Variants in ADGRG4 observed in about 807,000 individuals in gnomAD.
ADGRG4 encodes the protein adhesion G protein-coupled receptor G4.
Under a neutral mutation model 126.2 loss-of-function variants are expected in ADGRG4, and 122 were observed. The observed-to-expected ratio is 0.97, with a 90% CI of 0.83 to 1.12. ADGRG4 has a LOEUF of 1.12. Ranked by LOEUF, ADGRG4 falls within the 50% of genes most tolerant of loss-of-function variation. The probability of loss-of-function intolerance (pLI) is 0.00; values close to 1 mark genes in which losing one functional copy is unlikely to be tolerated. For missense variants in ADGRG4, 2,481 were observed against 2,251.8 expected (o/e 1.10, Z -2.06); for synonymous variants, 943 against 838.7 (o/e 1.12, Z -2.15).
chrX:136,301,370 C>A (rs1434238555), intron 1 of ADGRG4, among the ~76,000 whole-genome samples: 3 of 112,494 alleles, frequency 2.7e-5, no homozygotes, highest in Admixed American at 1.9e-4. Context: ...TGTCTTTTGG[C>A]TGCATAAATG....
At chrX:136,309,694 A>G (rs1366144139) in intron 4 of ADGRG4, among the ~76,000 whole-genome samples, 1 of 111,691 alleles carries the variant, frequency 9.0e-6, no homozygotes, top group Non-Finnish European at 1.9e-5. Flanking sequence ...CTGATAGGAA[A>G]CCATGTTTCT....
chrX:136,305,925 G>A (rs952170155), intron 3 of ADGRG4: 13 of 111,870 alleles, frequency 1.2e-4, no homozygotes, highest in Admixed American at 1.9e-4. Context: ...TTTATGCTCA[G>A]GAGAGCAGCC....
intron 5 of ADGRG4, among the ~76,000 whole-genome samples, chrX:136,327,560 T>C (rs2074881916): frequency 9.1e-6 from 1 of 109,864 alleles, no homozygotes; most frequent in Admixed American, 9.8e-5. Context: ...GACACATAGG[T>C]ATATTTAGAT....
intron 15 of ADGRG4, among the ~76,000 whole-genome samples, chrX:136,377,473 C>T (rs1268200581): frequency 9.0e-6 from 1 of 111,225 alleles, no homozygotes; most frequent in South Asian, 3.8e-4. Context: ...GGATTACAGG[C>T]GTGTGCCATT....
chrX:136,338,334 A>G lies in ADGRG4; in HGVS notation c.686-6058A>G, dbSNP rs776238206. 1.3e-4 allele frequency among the ~76,000 whole-genome samples: 14 copies of G among 110,518 alleles called. No homozygotes were observed. In the Admixed American group the frequency reaches 1.3e-3, roughly 11 times the overall value. On this transcript the variant is annotated intron_variant, in intron 5 of 25. Transcript: ENST00000394143. ...TGGCTAATTTTTGTATTTTTAGTAG[A>G]AACGGGGTTTCATCATGTTGGCCAG...
chrX:136,349,872 T>C lies in ADGRG4; in HGVS notation c.6166T>C (p.Leu2056=), dbSNP rs2075048622. Reference sequence around the variant, plus strand: ...GATATCAGCGCACCCATTCACTAACTTGACAACACTACCCTCTGCTACTAT... The same window carrying C: ...GATATCAGCGCACCCATTCACTAACCTGACAACACTACCCTCTGCTACTAT... ...DMISAHPFTN[L]TTLPSATMST... is the part of the protein sequence containing the mutation. Residue 2056 remains leucine, a synonymous_variant, in exon 6 of 26, where the codon TTG becomes CTG. Coordinates refer to ENST00000394143, the MANE Select transcript of ADGRG4 (RefSeq NM_153834.4). The C allele has an allele frequency of 8.3e-7, 1 of 1,208,043 alleles. No homozygotes were observed. Among genetic ancestry groups the C allele is most frequent in the Non-Finnish European group, 1.1e-6 (1 of 893,904 alleles).
chrX:136,348,843 A>G lies in ADGRG4; in HGVS notation c.5137A>G (p.Thr1713Ala), dbSNP rs1171785281. 8.3e-7 allele frequency: 1 copy of G among 1,209,769 alleles called. No homozygotes were observed. The highest frequency in any genetic ancestry group is 1.7e-5 in the African/African-American group (1 of 57,428). ...ACAGTCATCACAAGCAGATGAGGCT[A>G]CAACTTTGGGCATATTATCTGGGAT... ...TQQSSQADEA[T>A]TLGILSGITN... The change falls in exon 6 of 26, where the codon ACA (threonine) becomes GCA (alanine). Residue 1713 changes from threonine to alanine, a missense_variant. Thr to Ala is a moderately conservative substitution (Grantham distance 58). Coordinates refer to ENST00000394143, the MANE Select transcript of ADGRG4 (RefSeq NM_153834.4).
chrX:136,340,360 G>T (rs1011147411), intron 5 of ADGRG4, among the ~76,000 whole-genome samples: 8 of 111,368 alleles, frequency 7.2e-5, no homozygotes, highest in Admixed American at 2.9e-4. Context: ...TGATTGAATT[G>T]TCTTTATCTA....
At chrX:136,391,888 G>A (rs2075321347) in intron 16 of ADGRG4, among the ~76,000 whole-genome samples, 1 of 112,626 alleles carries the variant, frequency 8.9e-6, no homozygotes, top group Non-Finnish European at 1.9e-5. Context: ...AGTTAGAACT[G>A]GGATAAGTTG....
chrX:136,312,254 T>C (rs1348177003), intron 4 of ADGRG4, among the ~76,000 whole-genome samples: 7 of 112,419 alleles, frequency 6.2e-5, no homozygotes, highest in African/African-American at 2.3e-4. Flanking sequence ...AACATTTCCA[T>C]ATCACAGAAG....
chrX:136,326,536 C>T (rs1797534957), intron 5 of ADGRG4, among the ~76,000 whole-genome samples: 1 of 111,320 alleles, frequency 9.0e-6, no homozygotes, highest in Admixed American at 9.6e-5. Context: ...CTGTGGCCCC[C>T]AAAATGTTAT....
Position 136,323,201 on chromosome X carries a change from A to G in ADGRG4, c.494A>G (p.Lys165Arg). Residue 165 changes from lysine (K) to arginine (R), a missense_variant, in exon 5 of 26, where the codon AAG becomes AGG. Lys to Arg is a conservative substitution (Grantham distance 26, BLOSUM62 2). Transcript: ENST00000394143. ...ACTCTGTTCCTAGGGCACTTTCTCA[A>G]GAATGAGAGCAGCGAGGTTAAAAGC... Reference protein sequence around the residue: ...HGTLFLGHFLKNESSEVKSMM... With the variant: ...HGTLFLGHFLRNESSEVKSMM... 8.3e-7 allele frequency: 1 copy of G among 1,211,751 alleles called. No homozygotes were observed. Among genetic ancestry groups the G allele is most frequent in the South Asian group, 1.8e-5 (1 of 56,983 alleles).
At chrX:136,381,688 A>G (rs887761589) in intron 15 of ADGRG4, among the ~76,000 whole-genome samples, 3 of 111,169 alleles carry the variant, frequency 2.7e-5, no homozygotes, top group East Asian at 2.8e-4. Context: ...GTATATATAT[A>G]TGTATATAAA....
chrX:136,330,889 T>C (rs1603292856), intron 5 of ADGRG4, among the ~76,000 whole-genome samples: 1 of 111,348 alleles, frequency 9.0e-6, no homozygotes, highest in South Asian at 3.9e-4. Flanking sequence ...TTATTGAGTA[T>C]AGTCACCCTG....
At chrX:136,353,464 A>C in intron 8 of ADGRG4, 63 bp downstream of exon 8, 1 of 742,350 alleles carries the variant, frequency 1.3e-6, no homozygotes, top group South Asian at 2.2e-5. Context: ...GTCTGTTCCT[A>C]TCTGGAGGGG....
At position 136,371,953 on chromosome X, in the gene ADGRG4, A is replaced by G. The variant is rs191235590; in HGVS notation, c.7613+409A>G. ...ATATATTATCAATTTCTTGGCATAT[A>G]GACATCATAAATTTTAAAAGTCAGG... On this transcript the variant is annotated intron_variant, in intron 14 of 25. Coordinates refer to ENST00000394143, the MANE Select transcript of ADGRG4 (RefSeq NM_153834.4). Among the ~76,000 whole-genome samples the G allele has an allele frequency of 1.8e-4, 20 of 111,893 alleles. No individual in the cohort carries two copies. The Admixed American group carries it at 1.8e-3, about 10-fold the overall frequency.
intron 21 of ADGRG4, among the ~76,000 whole-genome samples, chrX:136,401,323 C>A (rs1212146241): frequency 8.9e-6 from 1 of 111,897 alleles, no homozygotes; most frequent in East Asian, 2.8e-4. Context: ...AGATAACCCA[C>A]ACATGGCCAA....
chrX:136,318,929 T>A (rs1484081789), intron 4 of ADGRG4, among the ~76,000 whole-genome samples: 2 of 111,830 alleles, frequency 1.8e-5, no homozygotes, highest in Admixed American at 1.9e-4. Context: ...TCATTTAAAA[T>A]AAAAGGAAAC....
chrX:136,334,792 C>T (rs1368357272), intron 5 of ADGRG4, among the ~76,000 whole-genome samples: 1 of 111,964 alleles, frequency 8.9e-6, no homozygotes, highest in Non-Finnish European at 1.9e-5. Flanking sequence ...ATTCTGAACT[C>T]ATTTATAAGT....
Sources: gnomAD v4.1 joint callset for allele counts (sites outside exome capture counted in the v4.1 genomes callset) on GRCh38, gnomAD v4.1.1 for gene constraint, MANE v1.5 for transcripts, NCBI Gene and HGNC (gene_info 2026-07-23, HGNC 2026-07-21) for gene names.